Variants in ANXA8 observed in about 807,000 individuals in gnomAD.
ANXA8 encodes VAC-beta.
Under a neutral mutation model 26.8 loss-of-function variants are expected in ANXA8, and 9 were observed. The observed-to-expected ratio is 0.34, with a 90% CI of 0.20 to 0.59. The LOEUF is 0.59. ANXA8 is among the 20% of genes least tolerant of loss of function. The probability of loss-of-function intolerance (pLI) is 0.84; values close to 1 mark genes in which losing one functional copy is unlikely to be tolerated. For synonymous variants in ANXA8, 39 were observed against 94.8 expected (o/e 0.41, Z 3.42); for missense variants, 83 against 238.5 (o/e 0.35, Z 4.29).
At chr10:47,898,811 A>ATTTTTTTTTTTTTTTTTTTTTT in the ANXA8 span, among the ~76,000 whole-genome samples, 2 of 56,260 alleles carry the variant, frequency 3.6e-5, no homozygotes, top group Non-Finnish European at 5.9e-5. Flanking sequence ...AAGAGAATGG[A>ATTTTTTTTTTTTTTTTTTTTTT]TTTTTTTTTT....
At chr10:47,573,821 T>A in the ANXA8 span, among the ~76,000 whole-genome samples, 1,489 of 146,986 alleles carry the variant, frequency 0.01, 6 homozygotes, top group African/African-American at 0.037. Flanking sequence ...AAGGGAAGGG[T>A]GCTAAGACAT....
At chr10:47,489,460 A>C in the ANXA8 span, 2 of 610,356 alleles carry the variant, frequency 3.3e-6, no homozygotes, top group African/African-American at 3.7e-5. Flanking sequence ...GCCCCAGCCA[A>C]GAGGCTCTGA....
chr10:47,538,400 AATC>A, the ANXA8 span: 1 of 116,458 alleles, frequency 8.6e-6, no homozygotes, highest in African/African-American at 3.3e-5. Context: ...GAGAAGATAT[AATC>A]ATCAACACAT....
chr10:47,969,709 G>C, the ANXA8 span, among the ~76,000 whole-genome samples: 5 of 149,080 alleles, frequency 3.4e-5, no homozygotes, highest in African/African-American at 1.2e-4. Flanking sequence ...ACACCCTCTT[G>C]TGAATCTTCT....
At chr10:47,654,369 G>A in the ANXA8 span, among the ~76,000 whole-genome samples, 3 of 146,422 alleles carry the variant, frequency 2.0e-5, no homozygotes, top group Non-Finnish European at 4.4e-5. Flanking sequence ...CAATGAATAG[G>A]TAATGTAAAC....
chr10:47,493,576 T>C, the ANXA8 span, among the ~76,000 whole-genome samples: 1 of 150,184 alleles, frequency 6.7e-6, no homozygotes, highest in Non-Finnish European at 1.5e-5. Flanking sequence ...CCCCTCCTCA[T>C]GAGCTCCCAC....
chr10:47,514,017 A>G, the ANXA8 span, among the ~76,000 whole-genome samples: 1 of 141,054 alleles, frequency 7.1e-6, no homozygotes, highest in Non-Finnish European at 1.5e-5. Context: ...CAAATGCAAC[A>G]GAAACAAATA....
the ANXA8 span, among the ~76,000 whole-genome samples, chr10:47,606,527 TA>T: frequency 6.8e-6 from 1 of 147,882 alleles, no homozygotes; most frequent in African/African-American, 2.6e-5. Flanking sequence ...TATGCAGACA[TA>T]AAAAAAGAAC....
chr10:47,659,754 A>C, the ANXA8 span, among the ~76,000 whole-genome samples: 1 of 151,248 alleles, frequency 6.6e-6, no homozygotes, highest in Admixed American at 6.6e-5. Context: ...CTGGCTTTTT[A>C]ATTTTAATTT....
chr10:47,686,691 G>A, the ANXA8 span, among the ~76,000 whole-genome samples: 1 of 151,952 alleles, frequency 6.6e-6, no homozygotes, highest in East Asian at 1.9e-4. Flanking sequence ...AAGTACAAAA[G>A]AATTCCAATA....
the ANXA8 span, chr10:47,970,517 A>G: frequency 6.6e-6 from 1 of 151,210 alleles, no homozygotes; most frequent in African/African-American, 2.4e-5. Flanking sequence ...ATGAACACAC[A>G]CATCCAAGTC....
At chr10:47,646,888 T>C in the ANXA8 span, among the ~76,000 whole-genome samples, 1 of 152,234 alleles carries the variant, frequency 6.6e-6, no homozygotes, top group African/African-American at 2.4e-5. Flanking sequence ...TTTTGCCATT[T>C]ATGAGGGCCT....
chr10:47,581,040 C>T, the ANXA8 span, among the ~76,000 whole-genome samples: 1 of 150,412 alleles, frequency 6.6e-6, no homozygotes, highest in African/African-American at 2.5e-5. Flanking sequence ...CACGCCGCTG[C>T]ACTCAACCTT....
At chr10:47,704,718 C>A in the ANXA8 span, among the ~76,000 whole-genome samples, 1 of 151,862 alleles carries the variant, frequency 6.6e-6, no homozygotes, top group Non-Finnish European at 1.5e-5. Context: ...ATACAAAAGT[C>A]AATCACATTT....
At chr10:47,733,233 C>CTCTTTCTTTCTTTCTTTCTT in the ANXA8 span, among the ~76,000 whole-genome samples, 29 of 59,716 alleles carry the variant, frequency 4.9e-4, no homozygotes, top group Non-Finnish European at 7.3e-4. Context: ...CTTTCTTTCT[C>CTCTTTCTTTCTTTCTTTCTT]TCTTTCTTTC....
the ANXA8 span, among the ~76,000 whole-genome samples, chr10:47,954,873 G>A: frequency 6.6e-6 from 1 of 151,036 alleles, no homozygotes; most frequent in Non-Finnish European, 1.5e-5. Context: ...CTGCAGAATG[G>A]AACACTACCC....
the ANXA8 span, among the ~76,000 whole-genome samples, chr10:47,637,011 G>A: frequency 1.5e-4 from 22 of 151,240 alleles, no homozygotes; most frequent in Admixed American, 9.8e-4. Context: ...CTCACTTTGC[G>A]TCATTACCAA....
At chr10:47,764,051 G>A in the ANXA8 span, among the ~76,000 whole-genome samples, 22 of 151,810 alleles carry the variant, frequency 1.4e-4, no homozygotes, top group African/African-American at 5.3e-4. Flanking sequence ...TGCAGAGGCC[G>A]CAGCCACTCC....
the ANXA8 span, among the ~76,000 whole-genome samples, chr10:47,907,182 C>T: frequency 1.2e-4 from 18 of 151,674 alleles, no homozygotes; most frequent in African/African-American, 4.3e-4. Context: ...GGTGAAACCC[C>T]GTCTCTACTA....
Sources: allele counts gnomAD v4.1 joint callset (sites outside exome capture counted in the v4.1 genomes callset), GRCh38; gene constraint gnomAD v4.1.1; transcripts MANE v1.5; gene names NCBI Gene and HGNC (gene_info 2026-07-23, HGNC 2026-07-21).